ARID1B: variants seen among roughly 807,000 people sequenced by gnomAD.
ARID1B encodes AT-rich interaction domain 1B.
A neutral mutation model predicts 212.3 loss-of-function variants in ARID1B; 30 were observed. The observed-to-expected ratio is 0.14, with a 90% CI of 0.11 to 0.19. ARID1B has a LOEUF of 0.19. Among genes scored for constraint, ARID1B ranks in the 10% least tolerant of loss-of-function variants. ARID1B has a pLI of 1.00. For missense variants in ARID1B, 2,891 were observed against 3,204.0 expected, an observed-to-expected ratio of 0.90 and a Z score of 2.36; for synonymous variants, 1,402 against 1,301.7, an observed-to-expected ratio of 1.08 and a Z score of -1.66.
intron 4 of ARID1B, among the ~76,000 whole-genome samples, chr6:157,057,103 T>C (rs188423629): frequency 3.9e-5 from 6 of 152,026 alleles, no homozygotes; most frequent in Middle Eastern, 3.4e-3. Context: ...TTCACGCCAT[T>C]CTCCTGTCTC....
intron 2 of ARID1B, among the ~76,000 whole-genome samples, chr6:156,853,769 T>G (rs1243610457): frequency 2.0e-5 from 3 of 152,130 alleles, no homozygotes; most frequent in Non-Finnish European, 4.4e-5. Context: ...TAAGGCCTTG[T>G]TCTGTTGCCC....
intron 4 of ARID1B, among the ~76,000 whole-genome samples, chr6:156,992,294 T>C (rs890050579): frequency 3.9e-5 from 6 of 152,218 alleles, no homozygotes; most frequent in African/African-American, 1.4e-4. Context: ...TTGGGTATCA[T>C]TGCAGTTCGG....
chr6:156,808,481 G>T (rs1398407370), intron 1 of ARID1B, among the ~76,000 whole-genome samples: 1 of 152,134 alleles, frequency 6.6e-6, no homozygotes, highest in Non-Finnish European at 1.5e-5. Context: ...AGCCTACATT[G>T]ACCGTGAACC....
At chr6:157,192,405 G>C (rs1793444248) in intron 15 of ARID1B, among the ~76,000 whole-genome samples, 3 of 152,128 alleles carry the variant, frequency 2.0e-5, no homozygotes, top group Admixed American at 2.0e-4. Flanking sequence ...ATTTGTGGGG[G>C]TGGAATGATT....
At chr6:156,878,185 G>T (rs954074111) in intron 2 of ARID1B, among the ~76,000 whole-genome samples, 16 of 152,002 alleles carry the variant, frequency 1.1e-4, no homozygotes, top group African/African-American at 3.6e-4. Context: ...CTCTCCTTTA[G>T]TTTCTCCACT....
rs868512425 is a variant in ARID1B, at chr6:156,959,429, T to A, written c.2247+23853T>A. On this transcript the variant is annotated intron_variant, in intron 4 of 19. Transcript: ENST00000636930. The stretch of plus-strand genomic sequence containing the variant: ...TTTGTATTATTTTTACTGCTTTTCC[T>A]CCCCCAATTTTTTATCTGCTATTGG... Among the ~76,000 whole-genome samples, 3 of 152,156 alleles carry A rather than the reference T, an allele frequency of 2.0e-5. No homozygotes were observed. In the South Asian group the frequency reaches 6.2e-4, roughly 32 times the overall value.
At chr6:157,165,541 G>A (rs1363803716) in intron 8 of ARID1B, among the ~76,000 whole-genome samples, 1 of 151,306 alleles carries the variant, frequency 6.6e-6, no homozygotes, top group African/African-American at 2.4e-5. Flanking sequence ...GTAAACAAAA[G>A]GAACAGTATA....
chr6:157,021,196 C>T (rs573431830), intron 4 of ARID1B, among the ~76,000 whole-genome samples: 119 of 152,362 alleles, frequency 7.8e-4, no homozygotes, highest in African/African-American at 2.7e-3. Context: ...GCTTTCCGGT[C>T]CTCACTGCGC....
intron 2 of ARID1B, among the ~76,000 whole-genome samples, chr6:156,838,353 T>G (rs1783652334): frequency 6.6e-6 from 1 of 152,148 alleles, no homozygotes; most frequent in African/African-American, 2.4e-5. Flanking sequence ...TCCTGAGACA[T>G]GGTATAACCA....
chr6:156,888,081 C>T (rs962982347), intron 2 of ARID1B, among the ~76,000 whole-genome samples: 1 of 152,170 alleles, frequency 6.6e-6, no homozygotes, highest in African/African-American at 2.4e-5. Context: ...CCCAGTCATG[C>T]GGTTACAAAG....
At chr6:157,191,458 C>A (rs1451665895) in intron 15 of ARID1B, among the ~76,000 whole-genome samples, 1 of 151,890 alleles carries the variant, frequency 6.6e-6, no homozygotes, top group African/African-American at 2.4e-5. Context: ...ATGTTGGGAT[C>A]GGTATGATCT....
intron 4 of ARID1B, among the ~76,000 whole-genome samples, chr6:156,991,254 G>A (rs1470646244): frequency 3.9e-5 from 6 of 152,244 alleles, no homozygotes; most frequent in South Asian, 2.1e-4. Context: ...TTTTTGAGAC[G>A]GAGTTTCTCT....
At chr6:156,971,428 T>C (rs1267611816) in intron 4 of ARID1B, among the ~76,000 whole-genome samples, 2 of 152,214 alleles carry the variant, frequency 1.3e-5, no homozygotes, top group Admixed American at 6.5e-5. Context: ...ACTTTGTGTG[T>C]GCACGCACCT....
intron 5 of ARID1B, among the ~76,000 whole-genome samples, chr6:157,086,483 G>A (rs1349353172): frequency 3.9e-5 from 6 of 152,150 alleles, no homozygotes; most frequent in African/African-American, 9.7e-5. Context: ...AAAATATTGC[G>A]TTACTCAAAG....
intron 2 of ARID1B, among the ~76,000 whole-genome samples, chr6:156,842,853 T>C (rs902902236): frequency 6.6e-6 from 1 of 152,258 alleles, no homozygotes; most frequent in African/African-American, 2.4e-5. Context: ...ACTACTCACT[T>C]TGCCAGTGGG....
At chr6:157,172,179 T>C (rs1390472874) in intron 9 of ARID1B, among the ~76,000 whole-genome samples, 12 of 152,222 alleles carry the variant, frequency 7.9e-5, no homozygotes, top group Admixed American at 7.9e-4. Flanking sequence ...TGTTTTTTAA[T>C]GTACAGGTTT....
intron 4 of ARID1B, among the ~76,000 whole-genome samples, chr6:157,037,230 C>G (rs1411570167): frequency 6.6e-6 from 1 of 152,190 alleles, no homozygotes; most frequent in Non-Finnish European, 1.5e-5. Flanking sequence ...TAGTTCATAG[C>G]TCCAGTGTTA....
chr6:157,099,104 C>G (rs1389947777), intron 5 of ARID1B, among the ~76,000 whole-genome samples: 1 of 152,138 alleles, frequency 6.6e-6, no homozygotes, highest in African/African-American at 2.4e-5. Context: ...GCAGGGATTA[C>G]AGGTGCCCAC....
chr6:156,901,646 G>C (rs769773938), intron 3 of ARID1B, 121 bp downstream of exon 3: 63 of 1,260,814 alleles, frequency 5.0e-5, no homozygotes, highest in Admixed American at 2.5e-4. Flanking sequence ...TTAGTTTTGA[G>C]AAAATGCATA....
Sources: gnomAD v4.1 joint callset for allele counts (sites outside exome capture counted in the v4.1 genomes callset) on GRCh38, gnomAD v4.1.1 for gene constraint, MANE v1.5 for transcripts, NCBI Gene and HGNC (gene_info 2026-07-23, HGNC 2026-07-21) for gene names.